The following PRDM11 variants were observed in gnomAD, a reference collection of about 807,000 sequenced individuals.
The protein encoded by PRDM11 is PR/SET domain 11.
Under a neutral mutation model 97.8 loss-of-function variants are expected in PRDM11, and 20 were observed. The ratio of observed to expected loss-of-function variants is 0.20; its 90% CI spans 0.14 to 0.30. The LOEUF (loss-of-function observed/expected upper bound fraction) is 0.30, where lower values mean the gene tolerates loss of function less well. Among genes scored for constraint, PRDM11 ranks in the 10% least tolerant of loss-of-function variants. The pLI is 1.00. For synonymous variants in PRDM11, 599 were observed against 637.7 expected (o/e 0.94, Z 0.91); for missense variants, 1,139 against 1,555.2 (o/e 0.73, Z 4.50).
intron 1 of PRDM11, among the ~76,000 whole-genome samples, chr11:45,115,080 G>T (rs1217410967): frequency 6.6e-6 from 1 of 151,844 alleles, no homozygotes; most frequent in Admixed American, 6.6e-5. Flanking sequence ...ATCTAAAAAA[G>T]ATATAATTAT....
rs1472530217 is a variant in PRDM11, at chr11:45,182,954, C to T, written c.317C>T (p.Pro106Leu). Residue 106 changes from proline (P) to leucine (L), a missense_variant, in exon 4 of 8, where the codon CCA (proline) becomes CTA (leucine). Coordinates refer to ENST00000683152, the MANE Select transcript of PRDM11 (RefSeq NM_001384648.1). ...VSDTPVPVGIPDRAALTIPQG... is the reference protein window; with the variant it reads ...VSDTPVPVGILDRAALTIPQG... ...GACACACCGGTGCCCGTGGGCATCC[C>T]AGACCGGGCGGCGCTCACCATCCCA... 5.6e-6 allele frequency: 9 copies of T among 1,613,878 alleles called. No individual in the cohort carries two copies. Among genetic ancestry groups the T allele is most frequent in the Non-Finnish European group, 6.8e-6 (8 of 1,180,002 alleles).
At chr11:45,198,935 G>A (rs976686973) in intron 4 of PRDM11, among the ~76,000 whole-genome samples, 3 of 152,216 alleles carry the variant, frequency 2.0e-5, no homozygotes, top group Non-Finnish European at 4.4e-5. Flanking sequence ...GTTACCAACA[G>A]CCCTCAGCCT....
intron 1 of PRDM11, among the ~76,000 whole-genome samples, chr11:45,100,908 C>T (rs1416999976): frequency 6.6e-6 from 1 of 152,188 alleles, no homozygotes; most frequent in African/African-American, 2.4e-5. Context: ...TAAGTATTTG[C>T]CCAGGGTCAT....
At chr11:45,095,153 C>T (rs913179946), upstream of PRDM11, among the ~76,000 whole-genome samples, 3 of 152,168 alleles carry the variant, frequency 2.0e-5, no homozygotes, top group Non-Finnish European at 2.9e-5. Flanking sequence ...CTGTCTGAAG[C>T]TGTGTCACTG....
chr11:45,121,249 G>A (rs116320249), intron 1 of PRDM11, among the ~76,000 whole-genome samples: 2,027 of 152,100 alleles, frequency 0.013, 40 homozygotes, highest in African/African-American at 0.046. Flanking sequence ...AAAACAAGAT[G>A]CAAATATTAG....
intron 1 of PRDM11, among the ~76,000 whole-genome samples, chr11:45,152,328 A>C (rs1221375173): frequency 1.3e-5 from 2 of 152,238 alleles, no homozygotes; most frequent in Middle Eastern, 3.4e-3. Context: ...CAGTCTCCCA[A>C]AGTGTTGGGA....
At chr11:45,136,648 G>A (rs751917274) in intron 1 of PRDM11, among the ~76,000 whole-genome samples, 5 of 152,158 alleles carry the variant, frequency 3.3e-5, no homozygotes, top group Non-Finnish European at 5.9e-5. Context: ...GGTGAGGGCT[G>A]CGGCTGAAAA....
At chr11:45,224,995 C>T in intron 7 of PRDM11, 152 bp downstream of exon 7, 1 of 1,497,800 alleles carries the variant, frequency 6.7e-7, no homozygotes. Flanking sequence ...GAGCCCAGGT[C>T]CTCAGTGTCT....
At chr11:45,105,372 GC>G (rs1852043516) in intron 1 of PRDM11, among the ~76,000 whole-genome samples, 1 of 152,218 alleles carries the variant, frequency 6.6e-6, no homozygotes, top group South Asian at 2.1e-4. Flanking sequence ...ACCAGGTGCT[GC>G]AAAAGCCTTG....
Position 45,227,882 on chromosome 11 carries a change from C to T in PRDM11, c.3257C>T (p.Ala1086Val). Residue 1086 changes from alanine (A) to valine (V), a missense_variant, in exon 8 of 8, where the codon GCT becomes GTT. Physicochemically the swap from Ala to Val is moderately conservative, Grantham distance 64 (BLOSUM62 0). Transcript: ENST00000683152. This position sits in a 1 kb window ranked among gnomAD's most constrained non-coding sequence, Gnocchi z 8.0. Reference protein sequence around the residue: ...QVLKVLPTSTACCEKGRNALQ... With the variant: ...QVLKVLPTSTVCCEKGRNALQ... ...CTTAAAGTCCTCCCCACTTCCACCG[C>T]TTGCTGCGAGAAAGGCCGCAATGCC... 3 of 1,533,976 alleles carry T rather than the reference C, an allele frequency of 2.0e-6. No homozygotes were observed. The South Asian group carries it at 3.6e-5, about 18-fold the overall frequency.
intron 1 of PRDM11, chr11:45,147,298 G>GGGCGCGGCGC (rs1443901072): frequency 3.6e-4 from 55 of 151,784 alleles, no homozygotes; most frequent in African/African-American, 1.3e-3. Flanking sequence ...GGACGGGGCG[G>GGGCGCGGCGC]GGCGCGGACG....
chr11:45,134,021 A>T (rs1852775756), intron 1 of PRDM11, among the ~76,000 whole-genome samples: 1 of 152,168 alleles, frequency 6.6e-6, no homozygotes, highest in African/African-American at 2.4e-5. Flanking sequence ...CTCACCTAAG[A>T]CTACCCTACA....
At position 45,160,407 on chromosome 11, in the gene PRDM11, C is replaced by T. The variant is rs143743460; in HGVS notation, c.-7+13530C>T. On this transcript the variant is annotated intron_variant, in intron 1 of 7. Transcript: ENST00000683152. ...CACAACATTCCAGATTTCTCTGGAG[C>T]GTTGACTGTCATGGTCATGACTCTA... Among the ~76,000 whole-genome samples, 140 of 152,294 alleles carry T rather than the reference C, an allele frequency of 9.2e-4. 2 individuals are homozygous for T. In the East Asian group the frequency reaches 0.025, roughly 27 times the overall value.
At chr11:45,130,021 G>C (rs1852683371) in intron 1 of PRDM11, among the ~76,000 whole-genome samples, 1 of 152,172 alleles carries the variant, frequency 6.6e-6, no homozygotes, top group Admixed American at 6.5e-5. Context: ...CTGCAATCCA[G>C]TGGGTGGAGA....
intron 1 of PRDM11, among the ~76,000 whole-genome samples, chr11:45,125,551 A>C (rs1327304335): frequency 6.6e-6 from 1 of 151,952 alleles, no homozygotes. Flanking sequence ...CTTTGTTCTC[A>C]TTGGTTTCAA....
rs1463909648 is a variant in PRDM11 at position 45,226,952 on chromosome 11, A to T, written c.2327A>T (p.Lys776Met). 2 of 1,533,958 alleles carry T rather than the reference A, an allele frequency of 1.3e-6. No individual in the cohort carries two copies. Among genetic ancestry groups the T allele is most frequent in the Non-Finnish European group, 1.7e-6 (2 of 1,146,728 alleles). ...GAGATCCTGGATGCCATCAGCGGGA[A>T]GGAGCTCCCATGCCTGGAGGAGCTG... Reference protein sequence around the residue: ...HLEILDAISGKELPCLEELEN... With the variant: ...HLEILDAISGMELPCLEELEN... The change falls in exon 8 of 8, where the codon AAG becomes ATG. Residue 776 changes from lysine (K) to methionine (M), a missense_variant. Transcript: ENST00000683152.
At chr11:45,110,684 C>G (rs1487772437) in intron 1 of PRDM11, among the ~76,000 whole-genome samples, 1 of 152,220 alleles carries the variant, frequency 6.6e-6, no homozygotes, top group Non-Finnish European at 1.5e-5. Context: ...ATTGCAAGGC[C>G]TCGCTTGCTC....
At chr11:45,178,982 G>C (rs1852400499) in intron 1 of PRDM11, among the ~76,000 whole-genome samples, 1 of 152,226 alleles carries the variant, frequency 6.6e-6, no homozygotes, top group African/African-American at 2.4e-5. Flanking sequence ...AGTGTGACAT[G>C]GGGCTAGGAG....
chr11:45,103,423 G>A (rs563120403), intron 1 of PRDM11, among the ~76,000 whole-genome samples: 65 of 152,286 alleles, frequency 4.3e-4, no homozygotes, highest in African/African-American at 1.5e-3. Context: ...TAGCCTATAT[G>A]GATCACCATG....
Sources: allele counts gnomAD v4.1 joint callset (sites outside exome capture counted in the v4.1 genomes callset), GRCh38; gene constraint gnomAD v4.1.1; non-coding constraint Gnocchi (gnomAD v3.1); transcripts MANE v1.5; gene names NCBI Gene and HGNC (gene_info 2026-07-23, HGNC 2026-07-21).